Variants in DPH6 observed in about 807,000 individuals in gnomAD.
The protein encoded by DPH6 is diphthamine biosynthesis 6, also known as diphthine--ammonia ligase.
Under a neutral mutation model 38.2 loss-of-function variants are expected in DPH6, and 33 were observed. The ratio of observed to expected loss-of-function variants is 0.86; its 90% CI spans 0.65 to 1.15. The LOEUF (loss-of-function observed/expected upper bound fraction) is 1.15, where lower values mean the gene tolerates loss of function less well. Ranked by LOEUF, DPH6 falls within the 50% of genes most tolerant of loss-of-function variation. DPH6 has a pLI of 0.00. For missense variants in DPH6, 325 were observed against 320.0 expected (o/e 1.02, Z -0.12); for synonymous variants, 108 against 103.0 (o/e 1.05, Z -0.30).
At chr15:35,360,284 G>A (rs1388925750) in intron 3 of DPH6, among the ~76,000 whole-genome samples, 2 of 152,002 alleles carry the variant, frequency 1.3e-5, no homozygotes, top group Non-Finnish European at 2.9e-5. Context: ...CACAGTTGAA[G>A]GGCCTGTTAC....
chr15:35,392,884 A>C (rs1217105748), intron 6 of DPH6, among the ~76,000 whole-genome samples: 2 of 152,230 alleles, frequency 1.3e-5, no homozygotes, highest in African/African-American at 4.8e-5. Flanking sequence ...AAGAAACTGC[A>C]TGTGTTAAAT....
intron 6 of DPH6, among the ~76,000 whole-genome samples, chr15:35,406,288 A>C (rs1369009821): frequency 6.6e-6 from 1 of 152,046 alleles, no homozygotes; most frequent in Non-Finnish European, 1.5e-5. Flanking sequence ...AAAATCGATG[A>C]AGCATAGGGA....
At position 35,504,062 on chromosome 15, in the gene DPH6, G is replaced by T. The variant is rs369165105; in HGVS notation, c.312+34212C>A. Among the ~76,000 whole-genome samples, 14 of 151,910 alleles carry T rather than the reference G, an allele frequency of 9.2e-5. No individual in the cohort carries two copies. The East Asian group carries it at 1.5e-3, about 17-fold the overall frequency. ...CTATTCTGAGATAACTTAATTTCAA[G>T]ATCTCAAAAGACCTAGCCCCTATCT... is the stretch of plus-strand genomic sequence containing the variant. On this transcript the variant is annotated intron_variant, in intron 3 of 8. Coordinates refer to ENST00000256538, the MANE Select transcript of DPH6 (RefSeq NM_080650.4).
chr15:35,533,477 C>T (rs1015209814), intron 3 of DPH6, among the ~76,000 whole-genome samples: 1 of 152,004 alleles, frequency 6.6e-6, no homozygotes, highest in African/African-American at 2.4e-5. Context: ...GAGCCATCCC[C>T]TAATTACAAG....
At chr15:35,522,209 T>C (rs959962879) in intron 3 of DPH6, 3 of 1,613,330 alleles carry the variant, frequency 1.9e-6, no homozygotes, top group Non-Finnish European at 2.5e-6. Flanking sequence ...CTGCCCACTT[T>C]CAAATGCATG....
chr15:35,528,985 C>A (rs1383227226), intron 3 of DPH6, among the ~76,000 whole-genome samples: 3 of 152,110 alleles, frequency 2.0e-5, no homozygotes, highest in Non-Finnish European at 1.5e-5. Context: ...AAACTTTAAA[C>A]CCTAAATCAA....
chr15:35,222,261 G>C (rs2051447655), intron 3 of DPH6, among the ~76,000 whole-genome samples: 1 of 152,114 alleles, frequency 6.6e-6, no homozygotes, highest in African/African-American at 2.4e-5. Context: ...TTTCAAAACT[G>C]TTCTACCTGC....
chr15:35,346,041 G>GA (rs2052459083), intron 3 of DPH6, among the ~76,000 whole-genome samples: 1 of 151,782 alleles, frequency 6.6e-6, no homozygotes, highest in Admixed American at 6.6e-5. Context: ...TAAGTGAAAC[G>GA]AAAGTGCATC....
chr15:35,407,457 A>C (rs2053309439), intron 6 of DPH6, among the ~76,000 whole-genome samples: 1 of 152,038 alleles, frequency 6.6e-6, no homozygotes, highest in Non-Finnish European at 1.5e-5. Flanking sequence ...TGGAGAGATG[A>C]AAAGCTACTG....
intron 6 of DPH6, among the ~76,000 whole-genome samples, chr15:35,394,227 T>C (rs1342389185): frequency 6.6e-6 from 1 of 152,158 alleles, no homozygotes; most frequent in East Asian, 1.9e-4. Flanking sequence ...GCTAATACTA[T>C]CACTACTAAT....
intron 3 of DPH6, among the ~76,000 whole-genome samples, chr15:35,259,481 GATA>G (rs751097163): frequency 2.0e-5 from 3 of 152,184 alleles, no homozygotes; most frequent in Non-Finnish European, 4.4e-5. Flanking sequence ...ATATAAAATA[GATA>G]ATAAGATTTC....
chr15:35,472,373 C>T (rs2141129323), intron 3 of DPH6, among the ~76,000 whole-genome samples: 1 of 152,240 alleles, frequency 6.6e-6, no homozygotes, highest in Admixed American at 6.5e-5. Context: ...GCTCAGTGGA[C>T]CTGTCCAATA....
At chr15:35,326,440 A>ATT (rs11440125), downstream of DPH6, among the ~76,000 whole-genome samples, 3 of 150,344 alleles carry the variant, frequency 2.0e-5, no homozygotes, top group African/African-American at 7.3e-5. Context: ...TTTAAAAAGA[A>ATT]TTTTTTTTTT....
intron 5 of DPH6, among the ~76,000 whole-genome samples, chr15:35,422,235 A>G (rs2053514946): frequency 1.3e-5 from 2 of 151,944 alleles, no homozygotes; most frequent in Admixed American, 6.6e-5. Context: ...ATCAGAGAAG[A>G]GTTATCTAAT....
rs1182466255 is a variant in DPH6, at chr15:35,441,908, G to GT, written c.505+8776dup. On this transcript the variant is annotated intron_variant, in intron 5 of 8. Transcript: ENST00000256538. ...GAACCAGGAAATCACATATCTAAAT[G>GT]TAAGAGCTAAAAGTATAAAACTCTT... Among the ~76,000 whole-genome samples, 10 of 152,086 alleles carry GT rather than the reference G, an allele frequency of 6.6e-5. No individual in the cohort carries two copies. The East Asian group carries it at 1.3e-3, about 20-fold the overall frequency.
At chr15:35,238,785 C>T (rs567816900) in intron 3 of DPH6, among the ~76,000 whole-genome samples, 28 of 151,986 alleles carry the variant, frequency 1.8e-4, no homozygotes, top group African/African-American at 6.7e-4. Context: ...TGTTCCTGCC[C>T]CACTTTAACT....
chr15:35,523,988 G>A, intron 3 of DPH6, among the ~76,000 whole-genome samples: 1 of 151,396 alleles, frequency 6.6e-6, no homozygotes, highest in Admixed American at 6.6e-5. Context: ...ACCACAGATC[G>A]TGGTTTTTTT....
Position 35,503,799 on chromosome 15 carries a change from T to C in DPH6, c.312+34475A>G, listed in dbSNP as rs575745522. On this transcript the variant is annotated intron_variant, in intron 3 of 8. Transcript: ENST00000256538. Reference sequence around the variant, plus strand: ...AATTCTACGAGGTAGGCTATTTTAATCTCCATTTTATAGAAGAGGAAACAA... The same window carrying C: ...AATTCTACGAGGTAGGCTATTTTAACCTCCATTTTATAGAAGAGGAAACAA... Among the ~76,000 whole-genome samples the C allele has an allele frequency of 3.9e-5, 6 of 152,206 alleles. No homozygotes were observed. In the East Asian group the frequency reaches 1.2e-3, roughly 29 times the overall value.
At chr15:35,173,657 T>A in the DPH6 span, among the ~76,000 whole-genome samples, 1 of 152,152 alleles carries the variant, frequency 6.6e-6, no homozygotes, top group Non-Finnish European at 1.5e-5. Flanking sequence ...CTGTCCTGTA[T>A]CTACTTCAAC....
Sources: allele counts gnomAD v4.1 joint callset (sites outside exome capture counted in the v4.1 genomes callset), GRCh38; gene constraint gnomAD v4.1.1; transcripts MANE v1.5; gene names NCBI Gene and HGNC (gene_info 2026-07-23, HGNC 2026-07-21).